NOD2: variants seen among roughly 807,000 people sequenced by gnomAD.
The protein encoded by NOD2 is nucleotide-binding oligomerization domain-containing protein 2.
Under a neutral mutation model 90.9 loss-of-function variants are expected in NOD2, and 86 were observed. The observed-to-expected ratio is 0.95, with a 90% CI of 0.79 to 1.13. The LOEUF is 1.13. Among genes scored for constraint, NOD2 ranks in the 50% most tolerant of loss-of-function variants. NOD2 has a pLI of 0.00. For missense variants in NOD2, 1,238 were observed against 1,283.8 expected (o/e 0.96, Z 0.55); for synonymous variants, 581 against 554.6 (o/e 1.05, Z -0.67).
Position 50,710,889 on chromosome 16 carries a change from C to T in NOD2, c.897C>T (p.Leu299=). Residue 299 remains leucine, a synonymous_variant, in exon 4 of 12, where the codon CTC becomes CTT. Coordinates refer to ENST00000647318, the MANE Select transcript of NOD2 (RefSeq NM_001370466.1). The stretch of plus-strand genomic sequence containing the variant: ...CAGGGCAAGACTTCCAGGAATTTCT[C>T]TTTGTCTTCCCATTCAGCTGCCGGC... ...WAAGQDFQEF[L]FVFPFSCRQL... is the part of the protein sequence containing the mutation. 1 of 1,614,178 alleles carries T rather than the reference C, an allele frequency of 6.2e-7. No individual in the cohort carries two copies. Among genetic ancestry groups the T allele is most frequent in the Non-Finnish European group, 8.5e-7 (1 of 1,180,034 alleles).
At position 50,710,628 on chromosome 16, in the gene NOD2, C is replaced by G. The variant is rs1964419318; in HGVS notation, c.636C>G (p.Thr212=). ...TVSAQSRFLS[T]YDGAETLCLE... ...CTGCTCAGTCTCGCTTCCTCAGTACCTATGATGGAGCAGAGACGCTCTGCC... is the reference window on the plus strand; with the variant it reads ...CTGCTCAGTCTCGCTTCCTCAGTACGTATGATGGAGCAGAGACGCTCTGCC... Residue 212 remains threonine, a synonymous_variant, in exon 4 of 12, where the codon ACC becomes ACG. Transcript: ENST00000647318. The G allele has an allele frequency of 3.1e-6, 5 of 1,614,050 alleles. No homozygotes were observed. The highest frequency in any genetic ancestry group is 1.7e-5 in the Admixed American group (1 of 59,996).
At chr16:50,705,157 GT>G (rs1392641237) in intron 2 of NOD2, among the ~76,000 whole-genome samples, 9 of 152,066 alleles carry the variant, frequency 5.9e-5, no homozygotes, top group African/African-American at 2.2e-4. Flanking sequence ...AAACTCTTGA[GT>G]TTTTCATTTT....
At position 50,712,143 on chromosome 16, in the gene NOD2, G is replaced by T; in HGVS notation, c.2151G>T (p.Arg717=). 1 of 1,614,118 alleles carries T rather than the reference G, an allele frequency of 6.2e-7. No homozygotes were observed. Among genetic ancestry groups the T allele is most frequent in the Non-Finnish European group, 8.5e-7 (1 of 1,180,044 alleles). Reference sequence around the variant, plus strand: ...TGCCCGGGTTCATCTGGCTCATCCGGAGCCTGTACGAGATGCAGGAGGAGC... The same window carrying T: ...TGCCCGGGTTCATCTGGCTCATCCGTAGCCTGTACGAGATGCAGGAGGAGC... The part of the protein sequence containing the change: ...HAMPGFIWLI[R]SLYEMQEERL... Residue 717 remains arginine (R), a synonymous_variant, in exon 4 of 12, where the codon CGG becomes CGT. Transcript: ENST00000647318.
intron 2 of NOD2, among the ~76,000 whole-genome samples, chr16:50,707,144 A>C (rs967009453): frequency 3.6e-4 from 55 of 152,248 alleles, no homozygotes; most frequent in African/African-American, 1.3e-3. Context: ...GAAATTCCAC[A>C]TGCGGCTTGC....
At chr16:50,730,673 C>A (rs1377029666) in intron 11 of NOD2, among the ~76,000 whole-genome samples, 1 of 152,152 alleles carries the variant, frequency 6.6e-6, no homozygotes, top group Non-Finnish European at 1.5e-5. Flanking sequence ...ACTCTGGATG[C>A]CCATTCATGA....
Position 50,710,829 on chromosome 16 carries a change from C to T in NOD2, c.837C>T (p.Ser279=). 2.5e-6 allele frequency: 4 copies of T among 1,614,094 alleles called. No homozygotes were observed. Among genetic ancestry groups the T allele is most frequent in the Admixed American group, 1.7e-5 (1 of 60,022 alleles). ...LVVGEAGSGK[S]TLLQRLHLLW... Reference sequence around the variant, plus strand: ...TGGGTGAGGCGGGCAGTGGCAAGAGCACGCTCCTGCAGCGGCTGCACTTGC... The same window carrying T: ...TGGGTGAGGCGGGCAGTGGCAAGAGTACGCTCCTGCAGCGGCTGCACTTGC... Residue 279 remains serine (S), a synonymous_variant, in exon 4 of 12, where the codon AGC becomes AGT. Transcript: ENST00000647318.
chr16:50,731,941 A>C lies in NOD2; in HGVS notation c.*122A>C. The C allele has an allele frequency of 1.3e-6, 1 of 761,270 alleles. No homozygotes were observed. The highest frequency in any genetic ancestry group is 1.7e-5 in the African/African-American group (1 of 58,784). The allele number at this position is 761,270 out of a possible 1,614,324, so 47.2% of individuals were successfully genotyped here. On this transcript the variant is annotated 3_prime_UTR_variant, in exon 12 of 12. Coordinates refer to ENST00000647318, the MANE Select transcript of NOD2 (RefSeq NM_001370466.1). Reference sequence around the variant, plus strand: ...TGAGCCCTGTCCTGCCTAAGGCTGAACTTGTTTTCTGGGAACACCATAGGT... The same window carrying C: ...TGAGCCCTGTCCTGCCTAAGGCTGACCTTGTTTTCTGGGAACACCATAGGT...
intron 2 of NOD2, among the ~76,000 whole-genome samples, chr16:50,702,057 C>T (rs187777065): frequency 2.0e-5 from 3 of 152,222 alleles, no homozygotes; most frequent in East Asian, 1.9e-4. Flanking sequence ...GTGATCCTCC[C>T]GCCTCAGCCT....
In NOD2 at chr16:50,699,543, G is replaced by A; in HGVS notation, c.48G>A (p.Glu16=). The stretch of plus-strand genomic sequence containing the variant: ...AGGCACAGAGGAGCCAGCTGGTCGA[G>A]CTGCTGGTCTCAGGGTCCCTGGAAG... The part of the protein sequence containing the change: ...AFQAQRSQLV[E]LLVSGSLEGF... The change falls in exon 2 of 12, where the codon GAG becomes GAA. Residue 16 remains glutamate (E), a synonymous_variant. Transcript: ENST00000647318. The A allele has an allele frequency of 6.2e-7, 1 of 1,614,020 alleles. No homozygotes were observed. The highest frequency in any genetic ancestry group is 8.5e-7 in the Non-Finnish European group (1 of 1,180,014).
chr16:50,712,756 T>G (rs1273752988), intron 4 of NOD2: 6 of 307,312 alleles, frequency 2.0e-5, no homozygotes, highest in Non-Finnish European at 3.8e-5. Context: ...ATTACAGGTT[T>G]TCTGCCTCCC....
intron 2 of NOD2, among the ~76,000 whole-genome samples, chr16:50,702,412 C>T (rs1307829572): frequency 6.6e-6 from 1 of 152,246 alleles, no homozygotes; most frequent in East Asian, 1.9e-4. Context: ...CTTTAGAATC[C>T]AGCTCTCTCT....
chr16:50,708,553 G>T (rs1964309376), intron 3 of NOD2, among the ~76,000 whole-genome samples: 1 of 152,214 alleles, frequency 6.6e-6, no homozygotes, highest in Admixed American at 6.5e-5. Flanking sequence ...AAACTGGGCA[G>T]GGAGGTTAAG....
Position 50,725,578 on chromosome 16 carries a change from G to T in NOD2, c.2885+6G>T, listed in dbSNP as rs546478048. 50 of 1,607,834 alleles carry T rather than the reference G, an allele frequency of 3.1e-5. 1 individual carries two copies. Among genetic ancestry groups the T allele is most frequent in the South Asian group, 2.2e-4 (20 of 90,922 alleles). The stretch of plus-strand genomic sequence containing the variant: ...TCAAGTTTGAAAATCCTGAAGTAAG[G>T]AACCCATAAGCAGGAAACAGGACAA... On this transcript the variant is annotated splice_donor_region_variant and intron_variant, in intron 10 of 11. Coordinates refer to ENST00000647318, the MANE Select transcript of NOD2 (RefSeq NM_001370466.1).
rs750096604 is a variant in NOD2 at position 50,712,019 on chromosome 16, G to A, written c.2027G>A (p.Arg676His). Residue 676 changes from arginine to histidine, a missense_variant, in exon 4 of 12, where the codon CGC becomes CAC. By Grantham distance (29) the Arg-to-His change is conservative. Transcript: ENST00000647318. ...ACATCTGAGAAGGCCCTGCTCCGGC[G>A]CCAGGCCTGTGCCCGCTGGTGTCTG... ...CQTSEKALLR[R>H]QACARWCLAR... 1.1e-5 allele frequency: 18 copies of A among 1,612,998 alleles called. No individual in the cohort carries two copies. The highest frequency in any genetic ancestry group is 1.6e-4 in the Middle Eastern group (1 of 6,080).
intron 10 of NOD2, chr16:50,728,902 C>T (rs1170334243): frequency 3.9e-5 from 6 of 152,766 alleles, no homozygotes; most frequent in African/African-American, 4.8e-5. Context: ...TATTACTGCT[C>T]ATTGGTTATT....
chr16:50,711,336 G>T lies in NOD2; in HGVS notation c.1344G>T (p.Glu448Asp). 1 of 1,613,674 alleles carries T rather than the reference G, an allele frequency of 6.2e-7. No individual in the cohort carries two copies. The highest frequency in any genetic ancestry group is 8.5e-7 in the Non-Finnish European group (1 of 1,180,036). Residue 448 changes from glutamate (E) to aspartate (D), a missense_variant, in exon 4 of 12, where the codon GAG (glutamate) becomes GAT (aspartate). Transcript: ENST00000647318. ...VADRLIRLLQETSALHGLCHL... is the reference protein window; with the variant it reads ...VADRLIRLLQDTSALHGLCHL... ...ACCGCCTCATCCGCCTGCTCCAAGA[G>T]ACCTCAGCCCTGCACGGTTTGTGCC...
chr16:50,706,081 A>G (rs756675673), intron 2 of NOD2, among the ~76,000 whole-genome samples: 2 of 152,226 alleles, frequency 1.3e-5, no homozygotes, highest in Non-Finnish European at 2.9e-5. Flanking sequence ...GTGAAATTCA[A>G]GTAAAGACTT....
chr16:50,725,671 T>C, intron 10 of NOD2, 99 bp downstream of exon 10: 4 of 905,702 alleles, frequency 4.4e-6, no homozygotes, highest in African/African-American at 1.6e-5. Context: ...GGCTAACTCA[T>C]GTGAGGTGGC....
In NOD2 at chr16:50,707,743, CT is replaced by C. The variant is rs1258874768; in HGVS notation, c.460-108del. 1.4e-4 allele frequency: 118 copies of C among 824,976 alleles called. 1 individual carries two copies. The African/African-American group carries it at 1.8e-3, about 12-fold the overall frequency. 51.1% of individuals were successfully genotyped at this position (824,976 alleles called of 1,614,324 possible). On this transcript the variant is annotated intron_variant, in intron 2 of 11. Coordinates refer to ENST00000647318, the MANE Select transcript of NOD2 (RefSeq NM_001370466.1). ...GTGGTTGTTCGGTTGTTTTTTTGAC[CT>C]TTTATTCTGGATGGAAGAGAGATGC...
Sources: allele counts gnomAD v4.1 joint callset (sites outside exome capture counted in the v4.1 genomes callset), GRCh38; gene constraint gnomAD v4.1.1; transcripts MANE v1.5; gene names NCBI Gene and HGNC (gene_info 2026-07-23, HGNC 2026-07-21).